The following CMA1 variants were observed in gnomAD, a reference collection of about 807,000 sequenced individuals.
CMA1 encodes chymase.
A neutral mutation model predicts 18.8 loss-of-function variants in CMA1; 24 were observed. The ratio of observed to expected loss-of-function variants is 1.28; its 90% CI spans 0.92 to 1.80. The LOEUF is 1.80. CMA1 is among the 40% of genes most tolerant of loss of function. The pLI, the probability that CMA1 is intolerant of heterozygous loss-of-function variation, is 0.00. For missense variants in CMA1, 421 were observed against 302.8 expected, an observed-to-expected ratio of 1.39 and a Z score of -2.90; for synonymous variants, 152 against 117.0, an observed-to-expected ratio of 1.30 and a Z score of -1.93.
intron 2 of CMA1, 75 bp downstream of exon 2, chr14:24,507,281 A>C: frequency 6.4e-7 from 1 of 1,557,752 alleles, no homozygotes; most frequent in Non-Finnish European, 8.9e-7. Flanking sequence ...TTCAGTCCCC[A>C]GTGCAGGTGT....
chr14:24,506,672 C>T, intron 2 of CMA1, 68 bp from the exon 3 acceptor site: 2 of 1,571,606 alleles, frequency 1.3e-6, no homozygotes, highest in Non-Finnish European at 1.7e-6. Flanking sequence ...GAGGTGAGCT[C>T]ATTCTGAGAA....
Position 24,507,454 on chromosome 14 carries a change from G to C in CMA1, c.111C>G (p.Ala37=). Residue 37 remains alanine, a synonymous_variant, in exon 2 of 5, where the codon GCC becomes GCG. Coordinates refer to ENST00000250378, the MANE Select transcript of CMA1 (RefSeq NM_001836.5). ...CGTTGGAAGTTACAATTTCCAGGTA[G>C]GCCATGTAGGGGCGGGAATGTGGCT... ...ECKPHSRPYM[A]YLEIVTSNGP... 1 of 1,614,202 alleles carries C rather than the reference G, an allele frequency of 6.2e-7. No individual in the cohort carries two copies.
chr14:24,505,873 G>A (rs888831279), intron 4 of CMA1, among the ~76,000 whole-genome samples, 155 bp downstream of exon 4: 2 of 152,200 alleles, frequency 1.3e-5, no homozygotes, highest in Non-Finnish European at 1.5e-5. Context: ...AGACTGGAAT[G>A]GATGGTCAGA....
chr14:24,505,952 T>C, intron 4 of CMA1, 76 bp downstream of exon 4: 1 of 1,558,498 alleles, frequency 6.4e-7, no homozygotes, highest in Non-Finnish European at 8.7e-7. Flanking sequence ...GACAACCTTC[T>C]GACCCCATCT....
chr14:24,508,220 G>A lies in CMA1; in HGVS notation c.16C>T (p.Leu6Phe), dbSNP rs1480567411. ...CACAAGAGAAAGAGCAGCAGGGGGA[G>A]AGGAAGAAGCAGCATCTTCCCAGAG... MLLLP[L>F]PLLLFLLCSR... The change falls in exon 1 of 5, where the codon CTC becomes TTC. Residue 6 changes from leucine to phenylalanine, a missense_variant. Transcript: ENST00000250378. 1 of 1,613,694 alleles carries A rather than the reference G, an allele frequency of 6.2e-7. No homozygotes were observed. Among genetic ancestry groups the A allele is most frequent in the Admixed American group, 1.7e-5 (1 of 59,986 alleles).
chr14:24,507,704 C>G (rs556095557), intron 1 of CMA1, among the ~76,000 whole-genome samples, 198 bp from the exon 2 acceptor site: 1 of 152,306 alleles, frequency 6.6e-6, no homozygotes, highest in African/African-American at 2.4e-5. Context: ...ATTCTTGCCT[C>G]TGCTCCATTC....
chr14:24,505,496 G>T lies in CMA1; in HGVS notation c.*20C>A. The T allele has an allele frequency of 6.2e-7, 1 of 1,613,946 alleles. No individual in the cohort carries two copies. Among genetic ancestry groups the T allele is most frequent in the Non-Finnish European group, 8.5e-7 (1 of 1,179,998 alleles). On this transcript the variant is annotated 3_prime_UTR_variant, in exon 5 of 5. Transcript: ENST00000250378. ...AGGTCCAGTTCCAGCTTCCCTTTCA[G>T]GCTGGCTCAGGATCCAGGATTAATT...
chr14:24,506,380 A>G, intron 3 of CMA1, 89 bp downstream of exon 3: 1 of 1,593,836 alleles, frequency 6.3e-7, no homozygotes, highest in Non-Finnish European at 8.6e-7. Flanking sequence ...TGTTATAGCC[A>G]AGTCCTAAGA....
chr14:24,505,610 A>G lies in CMA1; in HGVS notation c.650T>C (p.Val217Ala). The change falls in exon 5 of 5, where the codon GTA (valine) becomes GCA (alanine). Residue 217 changes from valine to alanine, a missense_variant. Val to Ala is a moderately conservative substitution (Grantham distance 64, BLOSUM62 0). Coordinates refer to ENST00000250378, the MANE Select transcript of CMA1 (RefSeq NM_001836.5). ...CTTTGCATCCGACCGTCCATAGGAT[A>G]CGATGCCCTGGGCCACCCCAGCACA... The part of the protein sequence containing the change: ...LLCAGVAQGI[V>A]SYGRSDAKPP... 4 of 1,613,914 alleles carry G rather than the reference A, an allele frequency of 2.5e-6. No individual in the cohort carries two copies. The highest frequency in any genetic ancestry group is 3.4e-6 in the Non-Finnish European group (4 of 1,179,992).
intron 3 of CMA1, 32 bp downstream of exon 3, chr14:24,506,437 G>A: frequency 6.2e-7 from 1 of 1,612,788 alleles, no homozygotes; most frequent in Non-Finnish European, 8.5e-7. Flanking sequence ...AGGAGAATGG[G>A]AAGTGGAAAG....
rs145379274 is a variant in CMA1 at position 24,505,556 on chromosome 14, T to G, written c.704A>C (p.His235Pro). Residue 235 changes from histidine to proline, a missense_variant, in exon 5 of 5, where the codon CAT (histidine) becomes CCT (proline). His to Pro is a moderately conservative substitution (Grantham distance 77). Coordinates refer to ENST00000250378, the MANE Select transcript of CMA1 (RefSeq NM_001836.5). ...KPPAVFTRIS[H>P]YRPWINQILQ... ...GATCTGGTTGATCCAGGGCCGGTAA[T>G]GGGAGATTCGGGTGAAGACAGCAGG... 6.2e-7 allele frequency: 1 copy of G among 1,614,018 alleles called. No homozygotes were observed. The highest frequency in any genetic ancestry group is 1.3e-5 in the African/African-American group (1 of 74,978).
chr14:24,506,530 T>C lies in CMA1; in HGVS notation c.284A>G (p.Lys95Arg). The C allele has an allele frequency of 1.9e-6, 3 of 1,614,198 alleles. No homozygotes were observed. Among genetic ancestry groups the C allele is most frequent in the Non-Finnish European group, 2.5e-6 (3 of 1,180,022 alleles). The change falls in exon 3 of 5, where the codon AAG becomes AGG. Residue 95 changes from lysine (K) to arginine (R), a missense_variant. Coordinates refer to ENST00000250378, the MANE Select transcript of CMA1 (RefSeq NM_001836.5). ...GTTATATTTTGGATGACGGAATTGC[T>C]TTATAACCTCAAGCTTCTGCCATGT... is the stretch of plus-strand genomic sequence containing the variant. ...EDTWQKLEVI[K>R]QFRHPKYNTS... is the part of the protein sequence containing the mutation.
chr14:24,506,036 C>T lies in CMA1; in HGVS notation c.592G>A (p.Ala198Thr). Reference protein sequence around the residue: ...CVGNPRKTKSAFKGDSGGPLL... With the variant: ...CVGNPRKTKSTFKGDSGGPLL... The stretch of plus-strand genomic sequence containing the variant: ...CCTAGTTGGAGGATCACCTTAAATG[C>T]AGATTTTGTCTTCCTGGGATTGCCC... The change falls in exon 4 of 5, where the codon GCA becomes ACA. Residue 198 changes from alanine (A) to threonine (T), a missense_variant. By Grantham distance (58) the Ala-to-Thr change is moderately conservative (BLOSUM62 0). Coordinates refer to ENST00000250378, the MANE Select transcript of CMA1 (RefSeq NM_001836.5). 1.9e-6 allele frequency: 3 copies of T among 1,614,060 alleles called. No homozygotes were observed. Among genetic ancestry groups the T allele is most frequent in the Non-Finnish European group, 2.5e-6 (3 of 1,179,954 alleles).
At chr14:24,505,923 G>T in intron 4 of CMA1, 105 bp downstream of exon 4, 2 of 1,452,668 alleles carry the variant, frequency 1.4e-6, no homozygotes, top group Non-Finnish European at 9.4e-7. Flanking sequence ...TTCCTGTGAT[G>T]CTCACCCTGT....
chr14:24,506,410 A>T, intron 3 of CMA1, 59 bp downstream of exon 3: 3 of 1,605,200 alleles, frequency 1.9e-6, no homozygotes, highest in Non-Finnish European at 2.6e-6. Context: ...GGCAATGAGG[A>T]CCTGAAGGAG....
chr14:24,506,037 A>C lies in CMA1; in HGVS notation c.591T>G (p.Ser197=). The C allele has an allele frequency of 6.2e-7, 1 of 1,614,152 alleles. No individual in the cohort carries two copies. The highest frequency in any genetic ancestry group is 8.5e-7 in the Non-Finnish European group (1 of 1,179,984). Residue 197 remains serine, a synonymous_variant, in exon 4 of 5, where the codon TCT becomes TCG. Transcript: ENST00000250378. The part of the protein sequence containing the change: ...LCVGNPRKTK[S]AFKGDSGGPL... ...CTAGTTGGAGGATCACCTTAAATGCAGATTTTGTCTTCCTGGGATTGCCCA... is the reference window on the plus strand; with the variant it reads ...CTAGTTGGAGGATCACCTTAAATGCCGATTTTGTCTTCCTGGGATTGCCCA...
intron 4 of CMA1, 55 bp from the exon 5 acceptor site, chr14:24,505,714 T>A (rs12100565): frequency 0.12 from 182,905 of 1,544,902 alleles, 11,417 homozygotes; most frequent in African/African-American, 0.21. Context: ...TCCACTCCTG[T>A]CTGCCAGCCA....
chr14:24,506,538 C>T lies in CMA1; in HGVS notation c.276G>A (p.Glu92=), dbSNP rs776126897. ...TTGGATGACGGAATTGCTTTATAACCTCAAGCTTCTGCCATGTGTCTTCTT... is the reference window on the plus strand; with the variant it reads ...TTGGATGACGGAATTGCTTTATAACTTCAAGCTTCTGCCATGTGTCTTCTT... ...TEEEDTWQKL[E]VIKQFRHPKY... is the part of the protein sequence containing the mutation. Residue 92 remains glutamate, a synonymous_variant, in exon 3 of 5, where the codon GAG becomes GAA. Coordinates refer to ENST00000250378, the MANE Select transcript of CMA1 (RefSeq NM_001836.5). 2 of 1,613,970 alleles carry T rather than the reference C, an allele frequency of 1.2e-6. No homozygotes were observed. The highest frequency in any genetic ancestry group is 2.2e-5 in the East Asian group (1 of 44,892).
At position 24,506,529 on chromosome 14, in the gene CMA1, C is replaced by A; in HGVS notation, c.285G>T (p.Lys95Asn). The change falls in exon 3 of 5, where the codon AAG becomes AAT. Residue 95 changes from lysine (K) to asparagine (N), a missense_variant. Physicochemically the swap from Lys to Asn is moderately conservative, Grantham distance 94 (BLOSUM62 0). Coordinates refer to ENST00000250378, the MANE Select transcript of CMA1 (RefSeq NM_001836.5). ...TGTTATATTTTGGATGACGGAATTG[C>A]TTTATAACCTCAAGCTTCTGCCATG... Reference protein sequence around the residue: ...EDTWQKLEVIKQFRHPKYNTS... With the variant: ...EDTWQKLEVINQFRHPKYNTS... The A allele has an allele frequency of 1.2e-6, 2 of 1,614,146 alleles. No homozygotes were observed. The highest frequency in any genetic ancestry group is 1.1e-5 in the South Asian group (1 of 91,080).
Sources: gnomAD v4.1 joint callset for allele counts (sites outside exome capture counted in the v4.1 genomes callset) on GRCh38, gnomAD v4.1.1 for gene constraint, MANE v1.5 for transcripts, NCBI Gene and HGNC (gene_info 2026-07-23, HGNC 2026-07-21) for gene names.